Variants in CYTH3 observed in about 807,000 individuals in gnomAD.
The protein encoded by CYTH3 is cytohesin 3.
In CYTH3, 23 loss-of-function variants were observed where a neutral mutation model predicts 55.1. The ratio of observed to expected loss-of-function variants is 0.42; its 90% confidence interval spans 0.30 to 0.59. CYTH3 has a LOEUF of 0.59. Among genes scored for constraint, CYTH3 ranks in the 20% least tolerant of loss-of-function variants. CYTH3 has a pLI of 0.20. For synonymous variants in CYTH3, 249 were observed against 194.9 expected (o/e 1.28, Z -2.31); for missense variants, 413 against 524.8 (o/e 0.79, Z 2.08).
intron 4 of CYTH3, among the ~76,000 whole-genome samples, chr7:6,184,406 C>T (rs539209907): frequency 1.3e-5 from 2 of 152,050 alleles, no homozygotes; most frequent in African/African-American, 4.8e-5. Context: ...CTGACAAGTG[C>T]TATATTCAAG....
intron 1 of CYTH3, among the ~76,000 whole-genome samples, chr7:6,252,669 G>C (rs983354189): frequency 1.3e-5 from 2 of 152,118 alleles, no homozygotes; most frequent in Non-Finnish European, 2.9e-5. Flanking sequence ...TGCAGTTAAA[G>C]CTCTTTTTTT....
chr7:6,182,346 A>G lies in CYTH3; in HGVS notation c.250-4405T>C, dbSNP rs1783525949. Among the ~76,000 whole-genome samples, 3 of 151,908 alleles carry G rather than the reference A, an allele frequency of 2.0e-5. No individual in the cohort carries two copies. In the South Asian group the frequency reaches 6.2e-4, roughly 32 times the overall value. On this transcript the variant is annotated intron_variant, in intron 4 of 12. Coordinates refer to ENST00000350796, the MANE Select transcript of CYTH3 (RefSeq NM_004227.4). ...ATTACAGGCGTGAGCCACCGCACCCAGCCTCCTGCTTCTTTTTTAAGAGAC... is the reference window on the plus strand; with the variant it reads ...ATTACAGGCGTGAGCCACCGCACCCGGCCTCCTGCTTCTTTTTTAAGAGAC...
At chr7:6,259,772 T>TAATA (rs1491219669) in intron 1 of CYTH3, among the ~76,000 whole-genome samples, 10 of 30,500 alleles carry the variant, frequency 3.3e-4, no homozygotes, top group East Asian at 1.3e-3. Context: ...TATATATATA[T>TAATA]TATATATATA....
At chr7:6,176,208 A>G (rs1402719065) in intron 5 of CYTH3, among the ~76,000 whole-genome samples, 1 of 150,372 alleles carries the variant, frequency 6.7e-6, no homozygotes, top group African/African-American at 2.5e-5. Flanking sequence ...TGTTTACTTA[A>G]TATCTGTTTC....
intron 1 of CYTH3, among the ~76,000 whole-genome samples, chr7:6,196,097 T>C (rs1783919306): frequency 6.6e-6 from 1 of 152,140 alleles, no homozygotes; most frequent in East Asian, 1.9e-4. Context: ...GCTTCCTTAG[T>C]CCTATGTCTC....
At chr7:6,250,856 A>T (rs1779944371) in intron 1 of CYTH3, among the ~76,000 whole-genome samples, 1 of 152,270 alleles carries the variant, frequency 6.6e-6, no homozygotes, top group Non-Finnish European at 1.5e-5. Context: ...TAAAAAGAGA[A>T]TAGGTGCTTT....
At chr7:6,187,565 C>A in intron 3 of CYTH3, 92 bp downstream of exon 3, 1 of 1,143,600 alleles carries the variant, frequency 8.7e-7, no homozygotes. Flanking sequence ...CACATCCCAA[C>A]CACTCTCACC....
chr7:6,173,049 C>A, intron 6 of CYTH3: 1 of 1,073,382 alleles, frequency 9.3e-7, no homozygotes, highest in South Asian at 2.2e-5. Context: ...AGCCCTGCCT[C>A]CTCTCCCCCG....
At chr7:6,200,944 G>T (rs1265363201) in intron 1 of CYTH3, among the ~76,000 whole-genome samples, 3 of 152,128 alleles carry the variant, frequency 2.0e-5, no homozygotes, top group Non-Finnish European at 4.4e-5. Flanking sequence ...TTTTTGTAGA[G>T]ACAGGGTCTC....
At chr7:6,196,575 C>T (rs1783937998) in intron 1 of CYTH3, among the ~76,000 whole-genome samples, 1 of 151,358 alleles carries the variant, frequency 6.6e-6, no homozygotes, top group South Asian at 2.1e-4. Context: ...TTCTCCTGCC[C>T]CAGCCTCACA....
In CYTH3 at chr7:6,192,529, A is replaced by ATTTTTT. The variant is rs36036670; in HGVS notation, c.35-2004_35-1999dup. Among the ~76,000 whole-genome samples, 139 of 111,308 alleles carry ATTTTTT rather than the reference A, an allele frequency of 1.2e-3. 4 individuals carry two copies. Among genetic ancestry groups the ATTTTTT allele is most frequent in the African/African-American group, 4.7e-3 (130 of 27,454 alleles). The allele number at this position is 111,308 out of a possible 152,430, so 73.0% of individuals were successfully genotyped here. ...AGCCACTGTGCCCAGCCACAAGTCA[A>ATTTTTT]TTTTTTTTTTTTTTTTTTTTTGAGA... On this transcript the variant is annotated intron_variant, in intron 1 of 12. Coordinates refer to ENST00000350796, the MANE Select transcript of CYTH3 (RefSeq NM_004227.4).
intron 1 of CYTH3, among the ~76,000 whole-genome samples, chr7:6,211,337 T>G (rs1048474407): frequency 6.6e-6 from 1 of 152,256 alleles, no homozygotes; most frequent in African/African-American, 2.4e-5. Context: ...CCAGAGTGTT[T>G]TGGAAGCAGA....
intron 1 of CYTH3, among the ~76,000 whole-genome samples, chr7:6,208,656 G>A (rs1784254473): frequency 1.3e-5 from 2 of 152,290 alleles, no homozygotes; most frequent in Middle Eastern, 3.4e-3. Context: ...CAATCACCCT[G>A]CCTCAGCCTC....
At chr7:6,198,461 C>T (rs1469038367) in intron 1 of CYTH3, among the ~76,000 whole-genome samples, 1 of 152,120 alleles carries the variant, frequency 6.6e-6, no homozygotes. Context: ...CACATGTGAC[C>T]GCCATACTAA....
chr7:6,221,704 T>TA (rs11407292), intron 1 of CYTH3, among the ~76,000 whole-genome samples: 55,865 of 151,464 alleles, frequency 0.37, 15,508 homozygotes, highest in East Asian at 0.75. Flanking sequence ...AAAATGAAGT[T>TA]AAAAAAAAAT....
chr7:6,210,274 A>C (rs182493395), intron 1 of CYTH3, among the ~76,000 whole-genome samples: 1 of 152,348 alleles, frequency 6.6e-6, no homozygotes, highest in Non-Finnish European at 1.5e-5. Flanking sequence ...TAAAAACTAA[A>C]GTCTATTAAT....
At position 6,168,982 on chromosome 7, in the gene CYTH3, C is replaced by T. The variant is rs536762867; in HGVS notation, c.823+1553G>A. Among the ~76,000 whole-genome samples, 4 of 152,340 alleles carry T rather than the reference C, an allele frequency of 2.6e-5. No homozygotes were observed. In the South Asian group the frequency reaches 8.3e-4, roughly 32 times the overall value. On this transcript the variant is annotated intron_variant, in intron 9 of 12. Transcript: ENST00000350796. ...TTACATTCCCCCCCACCGGCCCTCA[C>T]TCTAGAACACTCGCACAATGTGATT...
At chr7:6,191,918 A>C (rs1041692519) in intron 1 of CYTH3, among the ~76,000 whole-genome samples, 2 of 151,918 alleles carry the variant, frequency 1.3e-5, no homozygotes, top group Non-Finnish European at 2.9e-5. Flanking sequence ...TCTGAACTAA[A>C]GAAAATGAAA....
rs1782932687 is a variant in CYTH3 at position 6,164,643 on chromosome 7, GA to G, written c.*300del. The G allele has an allele frequency of 2.0e-5, 9 of 441,364 alleles. No individual in the cohort carries two copies. In the East Asian group the frequency reaches 3.9e-4, roughly 19 times the overall value. 27.3% of individuals were successfully genotyped at this position (441,364 alleles called of 1,614,324 possible). On this transcript the variant is annotated 3_prime_UTR_variant, in exon 13 of 13. Transcript: ENST00000350796. ...CCTAGGGGCGCCGGGATGGTCGCAG[GA>G]AGGAAATGCTTCTGGACATGCGCAG... is the stretch of plus-strand genomic sequence containing the variant.
Sources: allele counts gnomAD v4.1 joint callset (sites outside exome capture counted in the v4.1 genomes callset), GRCh38; gene constraint gnomAD v4.1.1; transcripts MANE v1.5; gene names NCBI Gene and HGNC (gene_info 2026-07-23, HGNC 2026-07-21).